The following RCOR1 variants were observed in gnomAD, a reference collection of about 807,000 sequenced individuals.
The protein encoded by RCOR1 is REST corepressor.
Under a neutral mutation model 64.0 loss-of-function variants are expected in RCOR1, and 12 were observed. That is an observed-to-expected ratio of 0.19 (90% CI 0.12 to 0.30). RCOR1 has a LOEUF of 0.30. RCOR1 is among the 10% of genes least tolerant of loss of function. The probability of loss-of-function intolerance (pLI) is 1.00; values close to 1 mark genes in which losing one functional copy is unlikely to be tolerated. For synonymous variants in RCOR1, 279 were observed against 227.2 expected (o/e 1.23, Z -2.05); for missense variants, 502 against 621.2 (o/e 0.81, Z 2.04).
chr14:102,716,550 A>G (rs573751108), intron 8 of RCOR1, among the ~76,000 whole-genome samples: 1 of 152,310 alleles, frequency 6.6e-6, no homozygotes, highest in South Asian at 2.1e-4. Context: ...TCGGATTAAT[A>G]GTCACTGTTT....
chr14:102,640,965 G>GA (rs1894356354), intron 2 of RCOR1, among the ~76,000 whole-genome samples: 1 of 151,712 alleles, frequency 6.6e-6, no homozygotes, highest in African/African-American at 2.4e-5. Flanking sequence ...AAGAAAAACA[G>GA]AAAAGAGGCT....
At position 102,610,128 on chromosome 14, in the gene RCOR1, C is replaced by T. The variant is rs545678185; in HGVS notation, c.361+16803C>T. On this transcript the variant is annotated intron_variant, in intron 2 of 11. Coordinates refer to ENST00000262241, the MANE Select transcript of RCOR1 (RefSeq NM_015156.4). ...CTGGGCAACAAGAGCGAAACTCCATCTCAAAAAAAAAAAAAAGAGAAATCG... is the reference window on the plus strand; with the variant it reads ...CTGGGCAACAAGAGCGAAACTCCATTTCAAAAAAAAAAAAAAGAGAAATCG... Among the ~76,000 whole-genome samples, 82 of 146,206 alleles carry T rather than the reference C, an allele frequency of 5.6e-4. 1 individual carries two copies. Among genetic ancestry groups the T allele is most frequent in the Non-Finnish European group, 1.1e-3 (71 of 66,728 alleles).
intron 3 of RCOR1, among the ~76,000 whole-genome samples, chr14:102,685,948 G>T (rs888727919): frequency 1.3e-5 from 2 of 152,044 alleles, no homozygotes; most frequent in Non-Finnish European, 2.9e-5. Context: ...GGAGGCGGGG[G>T]CTAGAAGAGA....
intron 7 of RCOR1, 117 bp from the exon 8 acceptor site, chr14:102,714,306 A>G: frequency 1.6e-6 from 1 of 616,562 alleles, no homozygotes; most frequent in African/African-American, 1.8e-5. Context: ...TTTGGTTCTG[A>G]TAGGGCATGG....
chr14:102,619,672 G>A lies in RCOR1; in HGVS notation c.361+26347G>A, dbSNP rs138251843. ...GTTTTTATATTTTTGGTAGAGATGG[G>A]GTTTCACTATGTTGGCCAGGCTGAT... On this transcript the variant is annotated intron_variant, in intron 2 of 11. Transcript: ENST00000262241. 5.6e-3 allele frequency among the ~76,000 whole-genome samples: 854 copies of A among 151,954 alleles called. 4 individuals carry two copies. Among genetic ancestry groups the A allele is most frequent in the Non-Finnish European group, 9.0e-3 (609 of 67,960 alleles).
At chr14:102,688,984 C>T (rs1466855353) in intron 3 of RCOR1, among the ~76,000 whole-genome samples, 1 of 152,190 alleles carries the variant, frequency 6.6e-6, no homozygotes, top group African/African-American at 2.4e-5. Flanking sequence ...CTTTAGGATA[C>T]CACCTCTTGC....
chr14:102,694,005 T>C (rs1473793279), intron 3 of RCOR1, among the ~76,000 whole-genome samples: 1 of 152,156 alleles, frequency 6.6e-6, no homozygotes, highest in Non-Finnish European at 1.5e-5. Context: ...GCCAATCTTT[T>C]GTTTTTTGTA....
chr14:102,615,419 G>C (rs1893739464), intron 2 of RCOR1, among the ~76,000 whole-genome samples: 1 of 151,520 alleles, frequency 6.6e-6, no homozygotes, highest in Admixed American at 6.6e-5. Flanking sequence ...TGGGGTTATA[G>C]GCATGAGCCA....
intron 2 of RCOR1, among the ~76,000 whole-genome samples, chr14:102,614,871 G>A (rs1242151279): frequency 6.7e-6 from 1 of 149,362 alleles, no homozygotes; most frequent in South Asian, 2.1e-4. Flanking sequence ...TCGCTCTGTC[G>A]CCCAGGCTGG....
In RCOR1 at chr14:102,681,883, C is replaced by A. The variant is rs771825517; in HGVS notation, c.362-12C>A. ...AATTTTAATAAGAATTTTCTTTTTTCTTTCTCCCAAGCCAAACTGGCAAGA... is the reference window on the plus strand; with the variant it reads ...AATTTTAATAAGAATTTTCTTTTTTATTTCTCCCAAGCCAAACTGGCAAGA... On this transcript the variant is annotated splice_polypyrimidine_tract_variant and intron_variant, in intron 2 of 11. Coordinates refer to ENST00000262241, the MANE Select transcript of RCOR1 (RefSeq NM_015156.4). 6.2e-6 allele frequency: 10 copies of A among 1,604,544 alleles called. No individual in the cohort carries two copies. Among genetic ancestry groups the A allele is most frequent in the Non-Finnish European group, 7.7e-6 (9 of 1,173,124 alleles).
intron 2 of RCOR1, among the ~76,000 whole-genome samples, chr14:102,634,757 C>T (rs527241239): frequency 1.3e-5 from 2 of 151,442 alleles, no homozygotes; most frequent in East Asian, 1.9e-4. Context: ...AGTGCAGTGG[C>T]GCGATCTCGA....
intron 2 of RCOR1, among the ~76,000 whole-genome samples, chr14:102,596,021 A>G (rs1893235130): frequency 6.6e-6 from 1 of 152,002 alleles, no homozygotes; most frequent in Non-Finnish European, 1.5e-5. Flanking sequence ...ACTATTTCCT[A>G]GTGGTTTTTT....
intron 4 of RCOR1, among the ~76,000 whole-genome samples, chr14:102,702,145 TTTC>T (rs1258562163): frequency 1.3e-5 from 2 of 152,212 alleles, no homozygotes; most frequent in Non-Finnish European, 2.9e-5. Context: ...GTTACTGACA[TTTC>T]TTATTTTTCT....
At chr14:102,700,644 C>T (rs148525773) in intron 3 of RCOR1, among the ~76,000 whole-genome samples, 1,550 of 152,344 alleles carry the variant, frequency 0.01, 16 homozygotes, top group Admixed American at 0.015. Flanking sequence ...GTTAGGATTA[C>T]AGGCATGAGC....
chr14:102,654,788 T>TG (rs1567423838), intron 2 of RCOR1, among the ~76,000 whole-genome samples: 1 of 66,920 alleles, frequency 1.5e-5, no homozygotes, highest in African/African-American at 8.1e-5. Flanking sequence ...GTGGTTGAGT[T>TG]TTTTTTTTTT....
Position 102,729,933 on chromosome 14 carries a change from C to G in RCOR1, c.*3427C>G. On this transcript the variant is annotated 3_prime_UTR_variant, in exon 12 of 12. Coordinates refer to ENST00000262241, the MANE Select transcript of RCOR1 (RefSeq NM_015156.4). ...GCTTCTATTGTCAAGTGAAACTTTC[C>G]TCAGATGGACTCCAGGTAGCCAGGT... 2.5e-6 allele frequency: 1 copy of G among 399,046 alleles called. No individual in the cohort carries two copies. Among genetic ancestry groups the G allele is most frequent in the Non-Finnish European group, 4.4e-6 (1 of 226,068 alleles). The allele number at this position is 399,046 out of a possible 1,614,324, so 24.7% of individuals were successfully genotyped here.
At chr14:102,625,864 G>A (rs763383882) in intron 2 of RCOR1, among the ~76,000 whole-genome samples, 5 of 152,032 alleles carry the variant, frequency 3.3e-5, no homozygotes, top group Admixed American at 3.3e-4. Context: ...TCCCAGAGCC[G>A]CTGTGAATGA....
chr14:102,650,755 T>G (rs182628839), intron 2 of RCOR1, among the ~76,000 whole-genome samples: 1 of 152,208 alleles, frequency 6.6e-6, no homozygotes. Context: ...GCAATTGTTA[T>G]ATATAAAGGG....
At chr14:102,658,932 G>GT (rs1894777633) in intron 2 of RCOR1, among the ~76,000 whole-genome samples, 1 of 152,090 alleles carries the variant, frequency 6.6e-6, no homozygotes, top group Admixed American at 6.6e-5. Context: ...CGTGGCCAAG[G>GT]TTGTTTCCCT....
Sources: allele counts gnomAD v4.1 joint callset (sites outside exome capture counted in the v4.1 genomes callset), GRCh38; gene constraint gnomAD v4.1.1; transcripts MANE v1.5; gene names NCBI Gene and HGNC (gene_info 2026-07-23, HGNC 2026-07-21).